CDH13: variants seen among roughly 807,000 people sequenced by gnomAD.
The protein encoded by CDH13 is cadherin 13, also known as cadherin-13.
In CDH13, 24 loss-of-function variants were observed where a neutral mutation model predicts 63.8. The ratio of observed to expected loss-of-function variants is 0.38; its 90% CI spans 0.27 to 0.53. The LOEUF is 0.53. Ranked by LOEUF, CDH13 falls within the 20% of genes least tolerant of loss-of-function variation. The probability of loss-of-function intolerance (pLI) is 0.85; values close to 1 mark genes in which losing one functional copy is unlikely to be tolerated. For missense variants in CDH13, 1,049 were observed against 903.1 expected (o/e 1.16, Z -2.07); for synonymous variants, 503 against 355.3 (o/e 1.42, Z -4.67).
chr16:82,679,963 C>T (rs916184629), intron 1 of CDH13, among the ~76,000 whole-genome samples: 15 of 152,162 alleles, frequency 9.9e-5, no homozygotes, highest in Admixed American at 2.0e-4. Flanking sequence ...ATCTTCTTGA[C>T]GGTGGTGAAG....
intron 8 of CDH13, among the ~76,000 whole-genome samples, chr16:83,649,523 G>C (rs1044597233): frequency 1.3e-5 from 2 of 152,096 alleles, no homozygotes; most frequent in African/African-American, 4.8e-5. Context: ...ACATGTTTAT[G>C]GACCTGCAAG....
At chr16:83,149,290 G>C (rs2036875599) in intron 4 of CDH13, among the ~76,000 whole-genome samples, 1 of 152,224 alleles carries the variant, frequency 6.6e-6, no homozygotes, top group Non-Finnish European at 1.5e-5. Flanking sequence ...ACAAAGCAGA[G>C]AATACACATT....
chr16:82,886,651 T>A (rs1392821802), intron 2 of CDH13, among the ~76,000 whole-genome samples: 1 of 152,166 alleles, frequency 6.6e-6, no homozygotes, highest in African/African-American at 2.4e-5. Context: ...TGGAATTTAC[T>A]CTTTTCCAAT....
At chr16:83,004,012 G>T (rs758946521) in intron 2 of CDH13, among the ~76,000 whole-genome samples, 5 of 152,152 alleles carry the variant, frequency 3.3e-5, no homozygotes, top group Non-Finnish European at 4.4e-5. Flanking sequence ...AATCGAATGT[G>T]TCAGACTAAA....
At chr16:83,484,269 C>G (rs951932615) in intron 6 of CDH13, among the ~76,000 whole-genome samples, 2 of 152,310 alleles carry the variant, frequency 1.3e-5, no homozygotes, top group Non-Finnish European at 2.9e-5. Context: ...CAGATGAATT[C>G]TATCTTTCCT....
At chr16:83,320,190 C>A (rs559580748) in intron 5 of CDH13, among the ~76,000 whole-genome samples, 20 of 152,136 alleles carry the variant, frequency 1.3e-4, no homozygotes, top group African/African-American at 4.6e-4. Context: ...CAGGTATGCC[C>A]CACTATGCCT....
chr16:82,904,996 C>A (rs1348278902), intron 2 of CDH13, among the ~76,000 whole-genome samples: 1 of 152,096 alleles, frequency 6.6e-6, no homozygotes, highest in Non-Finnish European at 1.5e-5. Context: ...ACCCAGGTTT[C>A]TTCAAAATTC....
chr16:83,165,879 C>T (rs2037642271), intron 4 of CDH13, among the ~76,000 whole-genome samples: 1 of 152,082 alleles, frequency 6.6e-6, no homozygotes, highest in African/African-American at 2.4e-5. Context: ...GGCTTCAGCA[C>T]AATCGCTCTG....
intron 9 of CDH13, among the ~76,000 whole-genome samples, chr16:83,677,518 C>G (rs75327493): frequency 7.4e-5 from 1 of 13,526 alleles, no homozygotes; most frequent in East Asian, 1.4e-3. Flanking sequence ...CTCAGTTGGG[C>G]CAGGGCCCAG....
intron 11 of CDH13, among the ~76,000 whole-genome samples, chr16:83,768,718 G>T (rs542349917): frequency 1.3e-5 from 2 of 152,190 alleles, no homozygotes; most frequent in East Asian, 3.9e-4. Context: ...ACCATATAGG[G>T]TAACTTCCTG....
chr16:82,774,277 G>A (rs1017273627), intron 1 of CDH13, among the ~76,000 whole-genome samples: 5 of 151,796 alleles, frequency 3.3e-5, no homozygotes, highest in African/African-American at 1.2e-4. Flanking sequence ...TACTGCCTGG[G>A]TTGGAGACCC....
At chr16:83,171,483 A>G (rs1237896458) in intron 4 of CDH13, 17 of 1,505,378 alleles carry the variant, frequency 1.1e-5, no homozygotes, top group Non-Finnish European at 1.4e-5. Context: ...TACTCATTCT[A>G]TGAAAATAGA....
intron 6 of CDH13, chr16:83,397,208 C>T (rs1467994329): frequency 6.6e-6 from 1 of 152,174 alleles, no homozygotes; most frequent in Non-Finnish European, 1.5e-5. Flanking sequence ...TTGAGGGTCA[C>T]AGTAGTACAT....
At chr16:83,379,966 G>GAT in intron 6 of CDH13, among the ~76,000 whole-genome samples, 1 of 148,794 alleles carries the variant, frequency 6.7e-6, no homozygotes, top group Admixed American at 6.7e-5. Context: ...GAGAGAGAGA[G>GAT]ACTGTCCCAG....
chr16:83,379,110 A>T (rs8060858), intron 6 of CDH13, among the ~76,000 whole-genome samples: 135,002 of 152,080 alleles, frequency 0.89, 60,397 homozygotes, highest in East Asian at 0.95. Flanking sequence ...TGGGAAGAAT[A>T]CAATGTCTTT....
chr16:82,659,962 T>C (rs182877357), intron 1 of CDH13, among the ~76,000 whole-genome samples: 1 of 152,112 alleles, frequency 6.6e-6, no homozygotes, highest in African/African-American at 2.4e-5. Context: ...TGACTCCCCA[T>C]TGAGAACCAC....
intron 2 of CDH13, chr16:82,858,755 C>T (rs938137321): frequency 5.4e-5 from 30 of 557,458 alleles, no homozygotes; most frequent in Admixed American, 3.2e-4. Flanking sequence ...GAGTTGTACA[C>T]TGTGCAAAGG....
intron 1 of CDH13, among the ~76,000 whole-genome samples, chr16:82,849,160 G>A (rs756296729): frequency 2.1e-4 from 32 of 152,226 alleles, no homozygotes; most frequent in Non-Finnish European, 4.1e-4. Flanking sequence ...GAAGCTAGCA[G>A]AGGTTAGTGT....
At chr16:83,708,106 C>T (rs1050401644) in intron 10 of CDH13, among the ~76,000 whole-genome samples, 1 of 152,142 alleles carries the variant, frequency 6.6e-6, no homozygotes, top group East Asian at 1.9e-4. Context: ...ACAGGCAAGC[C>T]AGAGTGCCTT....
Sources: gnomAD v4.1 joint callset for allele counts (sites outside exome capture counted in the v4.1 genomes callset) on GRCh38, gnomAD v4.1.1 for gene constraint, MANE v1.5 for transcripts, NCBI Gene and HGNC (gene_info 2026-07-23, HGNC 2026-07-21) for gene names.